CSF1R: variants seen among roughly 807,000 people sequenced by gnomAD.
CSF1R encodes macrophage colony-stimulating factor 1 receptor.
Under a neutral mutation model 110.0 loss-of-function variants are expected in CSF1R, and 40 were observed. The observed-to-expected ratio is 0.36, with a 90% CI of 0.28 to 0.47. The LOEUF (loss-of-function observed/expected upper bound fraction) is 0.47, where lower values mean the gene tolerates loss of function less well. CSF1R is among the 20% of genes least tolerant of loss of function. CSF1R has a pLI of 0.99. For missense variants in CSF1R, 1,052 were observed against 1,253.0 expected, an observed-to-expected ratio of 0.84 and a Z score of 2.42; for synonymous variants, 523 against 503.4, an observed-to-expected ratio of 1.04 and a Z score of -0.52.
chr5:150,108,606 C>T (rs1443240244), intron 1 of CSF1R, among the ~76,000 whole-genome samples: 1 of 152,150 alleles, frequency 6.6e-6, no homozygotes, highest in East Asian at 1.9e-4. Context: ...GTGGAAGCTT[C>T]CCTCTTGTCT....
intron 1 of CSF1R, among the ~76,000 whole-genome samples, chr5:150,092,528 T>C (rs1221017890): frequency 6.6e-6 from 1 of 152,224 alleles, no homozygotes; most frequent in African/African-American, 2.4e-5. Flanking sequence ...GGAGGTTTAA[T>C]TGACTCACAG....
rs374818714 is a variant in CSF1R, at chr5:150,057,402, G to A, written c.2222-18C>T. ...GTCCAGGTCTAGGGTGGGAAGAGGC[G>A]TCAGGGCAGCCCTGCCACACTCCCC... is the stretch of plus-strand genomic sequence containing the variant. On this transcript the variant is annotated intron_variant, in intron 15 of 20. Transcript: ENST00000675795. 362 of 1,613,046 alleles carry A rather than the reference G, an allele frequency of 2.2e-4. 1 individual carries two copies. Among genetic ancestry groups the A allele is most frequent in the African/African-American group, 9.1e-4 (68 of 75,032 alleles).
In CSF1R at chr5:150,070,053, C is replaced by T. The variant is rs2113808537; in HGVS notation, c.1330G>A (p.Ala444Thr). 1.2e-6 allele frequency: 2 copies of T among 1,613,660 alleles called. No individual in the cohort carries two copies. The change falls in exon 9 of 21, where the codon GCC (alanine) becomes ACC (threonine). Residue 444 changes from alanine to threonine, a missense_variant. Around this residue, in one of 5 missense-constraint regions of CSF1R, gnomAD observed 693 missense variants for 735.4 expected, o/e 0.94. Transcript: ENST00000675795. ...CSGHTDRCDE[A>T]QVLQVWDDPY... is the part of the protein sequence containing the mutation. Reference sequence around the variant, plus strand: ...TCATCCCAGACCTGCAGCACTTGGGCCTCATCACACCTGGCAAAAGCAGAA... The same window carrying T: ...TCATCCCAGACCTGCAGCACTTGGGTCTCATCACACCTGGCAAAAGCAGAA...
intron 14 of CSF1R, among the ~76,000 whole-genome samples, chr5:150,057,858 C>T (rs1295362030): frequency 2.0e-5 from 3 of 152,148 alleles, no homozygotes; most frequent in African/African-American, 7.2e-5. Context: ...TGAGATTTTC[C>T]TCCTAGCCCC....
intron 1 of CSF1R, among the ~76,000 whole-genome samples, chr5:150,083,905 T>C (rs1237329098): frequency 6.6e-6 from 1 of 152,162 alleles, no homozygotes; most frequent in Non-Finnish European, 1.5e-5. Flanking sequence ...CAACCTCCCC[T>C]TTTCCCCTCC....
At chr5:150,093,710 A>G (rs1283059797) in intron 1 of CSF1R, among the ~76,000 whole-genome samples, 1 of 152,222 alleles carries the variant, frequency 6.6e-6, no homozygotes, top group East Asian at 1.9e-4. Flanking sequence ...AATTACCCTG[A>G]TGTGATCATT....
intron 1 of CSF1R, among the ~76,000 whole-genome samples, chr5:150,100,676 T>C (rs1303349790): frequency 6.6e-6 from 1 of 152,146 alleles, no homozygotes; most frequent in Non-Finnish European, 1.5e-5. Flanking sequence ...CATTATTTAC[T>C]TAGATTGACG....
At position 150,112,519 on chromosome 5, in the gene CSF1R, G is replaced by A. The variant is rs188417519; in HGVS notation, c.-181+742C>T. Among the ~76,000 whole-genome samples the A allele has an allele frequency of 6.6e-4, 100 of 152,378 alleles. 1 individual carries two copies. The highest frequency in any genetic ancestry group is 2.4e-3 in the African/African-American group (98 of 41,592). ...AAGGAGCAGGCCTGAGACACAGGGA[G>A]CTGAGATCTTCTGACCTCCAGACAG... On this transcript the variant is annotated intron_variant, in intron 1 of 21. Coordinates refer to the CSF1R transcript ENST00000286301.
Position 150,113,267 on chromosome 5 carries a change from C to T in CSF1R, c.-187G>A, listed in dbSNP as rs11740408. 1,028 of 155,702 alleles carry T rather than the reference C, an allele frequency of 6.6e-3. 8 individuals are homozygous for T. Among genetic ancestry groups the T allele is most frequent in the Non-Finnish European group, 8.3e-3 (582 of 70,530 alleles). 9.6% of individuals were successfully genotyped at this position (155,702 alleles called of 1,614,324 possible). On this transcript the variant is annotated 5_prime_UTR_variant, in exon 1 of 22. Coordinates refer to the CSF1R transcript ENST00000286301. Reference sequence around the variant, plus strand: ...TTCCCTCCCCTGTCCTTACCCTGGCCGCAGTTCCCTCCGCTTCCTCTCTTC... The same window carrying T: ...TTCCCTCCCCTGTCCTTACCCTGGCTGCAGTTCCCTCCGCTTCCTCTCTTC...
chr5:150,110,210 A>C (rs1759676650), intron 1 of CSF1R, among the ~76,000 whole-genome samples: 1 of 152,066 alleles, frequency 6.6e-6, no homozygotes, highest in Admixed American at 6.5e-5. Context: ...TTTTTTTCAA[A>C]TAGCCAATTG....
chr5:150,085,383 G>A (rs376285028), intron 1 of CSF1R, among the ~76,000 whole-genome samples: 15 of 151,676 alleles, frequency 9.9e-5, no homozygotes, highest in African/African-American at 1.9e-4. Flanking sequence ...GAAGCGCCAC[G>A]GCCTTAGGGT....
chr5:150,103,335 C>T (rs899669984), intron 1 of CSF1R, among the ~76,000 whole-genome samples: 1 of 152,240 alleles, frequency 6.6e-6, no homozygotes, highest in Non-Finnish European at 1.5e-5. Context: ...CTCTGTGACA[C>T]CCACCTGTTG....
At chr5:150,112,780 G>A (rs1016333412) in intron 1 of CSF1R, among the ~76,000 whole-genome samples, 11 of 152,150 alleles carry the variant, frequency 7.2e-5, no homozygotes, top group Non-Finnish European at 1.5e-4. Flanking sequence ...TTGGCGGCTG[G>A]GCCTGTGAGT....
intron 6 of CSF1R, among the ~76,000 whole-genome samples, chr5:150,071,382 CA>C (rs1758025154): frequency 1.3e-5 from 2 of 152,062 alleles, no homozygotes; most frequent in Admixed American, 6.5e-5. Flanking sequence ...AGTTCACTGT[CA>C]AAATAAATAA....
Position 150,073,318 on chromosome 5 carries a change from G to A in CSF1R, c.1065C>T (p.Thr355=). ...HQPEPKLANA[T]TKDTYRHTFT... is the part of the protein sequence containing the mutation. ...AGTGGTACCTGTATGTGTCCTTGGT[G>A]GTAGCATTAGCAAGCTTGGGCTCAG... is the stretch of plus-strand genomic sequence containing the variant. The change falls in exon 6 of 21, where the codon ACC becomes ACT. Residue 355 remains threonine, a synonymous_variant. Transcript: ENST00000675795. 1 of 1,613,870 alleles carries A rather than the reference G, an allele frequency of 6.2e-7. No homozygotes were observed. The highest frequency in any genetic ancestry group is 1.1e-5 in the South Asian group (1 of 91,050).
Position 150,069,955 on chromosome 5 carries a change from G to A in CSF1R, c.1428C>T (p.Thr476=), listed in dbSNP as rs2113808226. The A allele has an allele frequency of 3.1e-6, 5 of 1,614,144 alleles. No individual in the cohort carries two copies. Among genetic ancestry groups the A allele is most frequent in the Non-Finnish European group, 8.5e-7 (1 of 1,180,002 alleles). Residue 476 remains threonine (T), a synonymous_variant, in exon 9 of 21, where the codon ACC becomes ACT. Transcript: ENST00000675795. ...ACTCGTAGGTTTGGTTGTGCTCTAA[G>A]GTCTCAACAGTCAGCAGGCTCTGCA... The part of the protein sequence containing the change: ...VTVQSLLTVE[T]LEHNQTYECR...
intron 1 of CSF1R, among the ~76,000 whole-genome samples, chr5:150,084,443 GAA>G (rs1561946219): frequency 1.1e-4 from 11 of 100,724 alleles, no homozygotes; most frequent in Non-Finnish European, 1.6e-4. Flanking sequence ...AGGAAGGAAG[GAA>G]GGAAGGAAGG....
chr5:150,087,000 C>A (rs372429519), upstream of CSF1R, among the ~76,000 whole-genome samples: 1 of 152,150 alleles, frequency 6.6e-6, no homozygotes, highest in Non-Finnish European at 1.5e-5. Context: ...ATTTTAGAGA[C>A]GCAGTTTCAC....
At chr5:150,072,072 C>T (rs148230170) in intron 6 of CSF1R, among the ~76,000 whole-genome samples, 24 of 151,394 alleles carry the variant, frequency 1.6e-4, no homozygotes, top group Non-Finnish European at 2.8e-4. Context: ...TTGAGGAGGA[C>T]TCTGAGGCCG....
Sources: gnomAD v4.1 joint callset for allele counts (sites outside exome capture counted in the v4.1 genomes callset) on GRCh38, gnomAD v4.1.1 for gene constraint, gnomAD v4.1.1 regional missense constraint, MANE v1.5 for transcripts, NCBI Gene and HGNC (gene_info 2026-07-23, HGNC 2026-07-21) for gene names.